CADPS: variants seen among roughly 807,000 people sequenced by gnomAD.
CADPS encodes calcium dependent secretion activator.
In CADPS, 57 loss-of-function variants were observed where a neutral mutation model predicts 167.3. The observed-to-expected ratio is 0.34, with a 90% confidence interval of 0.28 to 0.42. The LOEUF (loss-of-function observed/expected upper bound fraction) is 0.42, where lower values mean the gene tolerates loss of function less well. Ranked by LOEUF, CADPS falls within the 20% of genes least tolerant of loss-of-function variation. The pLI is 1.00. For synonymous variants in CADPS, 676 were observed against 635.3 expected (o/e 1.06, Z -0.96); for missense variants, 1,414 against 1,738.1 (o/e 0.81, Z 3.32).
At chr3:62,680,048 G>A (rs763838977) in intron 3 of CADPS, among the ~76,000 whole-genome samples, 1 of 151,998 alleles carries the variant, frequency 6.6e-6, no homozygotes, top group African/African-American at 2.4e-5. Flanking sequence ...GCTATGGGGA[G>A]CCACTAAAGG....
chr3:62,806,888 T>C (rs1157134361), intron 1 of CADPS, among the ~76,000 whole-genome samples: 2 of 152,222 alleles, frequency 1.3e-5, no homozygotes, highest in Non-Finnish European at 2.9e-5. Context: ...AATCTGCAAC[T>C]CTTCCTGAAT....
chr3:62,479,126 C>T (rs2061656011), intron 22 of CADPS, among the ~76,000 whole-genome samples: 1 of 152,200 alleles, frequency 6.6e-6, no homozygotes, highest in Admixed American at 6.5e-5. Flanking sequence ...ATTGTCAATG[C>T]TTTAGGGCTC....
intron 28 of CADPS, among the ~76,000 whole-genome samples, chr3:62,405,306 G>C (rs1708038244): frequency 6.6e-6 from 1 of 152,020 alleles, no homozygotes; most frequent in Non-Finnish European, 1.5e-5. Flanking sequence ...CAAAAGAGGA[G>C]TGTGGCACTC....
intron 2 of CADPS, among the ~76,000 whole-genome samples, chr3:62,754,936 C>A (rs1028919417): frequency 6.6e-6 from 1 of 152,194 alleles, no homozygotes; most frequent in African/African-American, 2.4e-5. Context: ...TTAATTTTCT[C>A]TCTTCCTTCC....
intron 6 of CADPS, among the ~76,000 whole-genome samples, chr3:62,614,467 A>G (rs2061958955): frequency 6.6e-6 from 1 of 152,192 alleles, no homozygotes; most frequent in Non-Finnish European, 1.5e-5. Flanking sequence ...GGACCTGGCC[A>G]CTATGTTTGA....
intron 3 of CADPS, among the ~76,000 whole-genome samples, chr3:62,663,650 G>T (rs2073843023): frequency 1.4e-5 from 2 of 147,052 alleles, no homozygotes; most frequent in South Asian, 2.2e-4. Flanking sequence ...CCTATGCTGT[G>T]AAATGATATA....
rs137857915 is a variant in CADPS at position 62,610,686 on chromosome 3, T to C, written c.1326-17938A>G. Among the ~76,000 whole-genome samples, 378 of 152,294 alleles carry C rather than the reference T, an allele frequency of 2.5e-3. 1 individual carries two copies. The highest frequency in any genetic ancestry group is 8.8e-3 in the African/African-American group (364 of 41,574). ...TGATGGACTTGCTTGTAGAGGTCTT[T>C]ATCAAGATAACTACTTAGAATCATT... is the stretch of plus-strand genomic sequence containing the variant. On this transcript the variant is annotated intron_variant, in intron 6 of 29. Coordinates refer to ENST00000383710, the MANE Select transcript of CADPS (RefSeq NM_003716.4).
intron 1 of CADPS, among the ~76,000 whole-genome samples, chr3:62,847,427 C>A (rs1227587406): frequency 4.3e-5 from 3 of 69,476 alleles, no homozygotes; most frequent in Admixed American, 1.5e-4. Flanking sequence ...ATCCCTCCCC[C>A]CTCCCCCCAC....
Position 62,420,784 on chromosome 3 carries a change from C to G in CADPS, c.3777+17320G>C, listed in dbSNP as rs2051133374. ...TTTCCTCTTGCTTTATTTTTACTCT[C>G]AGGAAACCGTATTCTCCTCTTTCTA... On this transcript the variant is annotated intron_variant, in intron 28 of 29. Coordinates refer to ENST00000383710, the MANE Select transcript of CADPS (RefSeq NM_003716.4). The surrounding 1 kb of genome is among the most constrained non-coding windows in gnomAD (Gnocchi z 4.1). Among the ~76,000 whole-genome samples, 1 of 152,002 alleles carries G rather than the reference C, an allele frequency of 6.6e-6. No homozygotes were observed. The highest frequency in any genetic ancestry group is 2.1e-4 in the South Asian group (1 of 4,822).
chr3:62,437,340 CTTTTT>C (rs11295364), intron 28 of CADPS, among the ~76,000 whole-genome samples: 11 of 128,208 alleles, frequency 8.6e-5, no homozygotes, highest in Admixed American at 6.3e-4. Flanking sequence ...AAGCAGGTTC[CTTTTT>C]TTTTTTTTTT....
At chr3:62,830,940 A>G (rs1447317409) in intron 1 of CADPS, among the ~76,000 whole-genome samples, 3 of 152,178 alleles carry the variant, frequency 2.0e-5, no homozygotes, top group Admixed American at 6.5e-5. Context: ...AACAATTCCA[A>G]TCTGCTGGGG....
chr3:62,414,057 A>G (rs1449394975), intron 28 of CADPS, among the ~76,000 whole-genome samples: 1 of 152,264 alleles, frequency 6.6e-6, no homozygotes, highest in Non-Finnish European at 1.5e-5. Flanking sequence ...TATTTAAAAC[A>G]TGCCACGGGG....
At chr3:62,778,907 CTT>C (rs5849501) in intron 1 of CADPS, among the ~76,000 whole-genome samples, 5,557 of 148,678 alleles carry the variant, frequency 0.037, 319 homozygotes, top group African/African-American at 0.12. Context: ...AGAACATTTA[CTT>C]TTTTTTTTTT....
At chr3:62,503,214 T>C (rs112347789) in intron 17 of CADPS, among the ~76,000 whole-genome samples, 5,286 of 152,314 alleles carry the variant, frequency 0.035, 133 homozygotes, top group Non-Finnish European at 0.051. Context: ...GCTTCTTTTT[T>C]ACAGATGACC....
intron 1 of CADPS, among the ~76,000 whole-genome samples, chr3:62,782,958 C>T (rs774634394): frequency 5.9e-5 from 9 of 151,996 alleles, no homozygotes; most frequent in South Asian, 2.1e-4. Context: ...TGGGGTTTTG[C>T]CATGTTGGCC....
chr3:62,441,636 A>G (rs1161917540), intron 27 of CADPS, among the ~76,000 whole-genome samples: 1 of 152,224 alleles, frequency 6.6e-6, no homozygotes, highest in East Asian at 1.9e-4. Context: ...TAAACCATTA[A>G]ATGTTCTAAC....
intron 3 of CADPS, among the ~76,000 whole-genome samples, chr3:62,745,875 ACT>A (rs2081342469): frequency 1.3e-5 from 2 of 152,134 alleles, no homozygotes; most frequent in Admixed American, 1.3e-4. Context: ...AATAGACATC[ACT>A]CTTTGCTCAA....
rs953022072 is a variant in CADPS, at chr3:62,740,645, A to G, written c.888+12796T>C. ...AGCTGACCAATCAAACCCCATTGTTATCTGATAGCTCTAAAGTGCTCCAGC... is the reference window on the plus strand; with the variant it reads ...AGCTGACCAATCAAACCCCATTGTTGTCTGATAGCTCTAAAGTGCTCCAGC... On this transcript the variant is annotated intron_variant, in intron 3 of 29. Transcript: ENST00000383710. 3.9e-5 allele frequency among the ~76,000 whole-genome samples: 6 copies of G among 152,264 alleles called. No homozygotes were observed. In the South Asian group the frequency reaches 1.0e-3, roughly 26 times the overall value.
intron 8 of CADPS, among the ~76,000 whole-genome samples, chr3:62,575,721 T>C (rs2082130361): frequency 6.6e-6 from 1 of 152,206 alleles, no homozygotes; most frequent in Admixed American, 6.5e-5. Context: ...TCCTTCCTTC[T>C]AGATGACAAA....
Sources: gnomAD v4.1 joint callset for allele counts (sites outside exome capture counted in the v4.1 genomes callset) on GRCh38, gnomAD v4.1.1 for gene constraint, Gnocchi (gnomAD v3.1) non-coding constraint, MANE v1.5 for transcripts, NCBI Gene and HGNC (gene_info 2026-07-23, HGNC 2026-07-21) for gene names.